Variants in BRF1 observed in about 807,000 individuals in gnomAD.
BRF1 encodes the protein transcription factor IIIB 90 kDa subunit.
Under a neutral mutation model 81.7 loss-of-function variants are expected in BRF1, and 59 were observed. That is an observed-to-expected ratio of 0.72 (90% CI 0.59 to 0.90). BRF1 has a LOEUF of 0.90. Among genes scored for constraint, BRF1 ranks in the 40% least tolerant of loss-of-function variants. BRF1 has a pLI of 0.00. For missense variants in BRF1, 1,050 were observed against 936.3 expected, an observed-to-expected ratio of 1.12 and a Z score of -1.58; for synonymous variants, 491 against 395.6, an observed-to-expected ratio of 1.24 and a Z score of -2.86.
chr14:105,256,076 G>C, intron 4 of BRF1: 1 of 971,902 alleles, frequency 1.0e-6, no homozygotes, highest in Non-Finnish European at 1.4e-6. Flanking sequence ...AGTAAGCTGA[G>C]ATCACGCCAC....
chr14:105,294,921 G>C (rs1405214705), intron 1 of BRF1, among the ~76,000 whole-genome samples: 2 of 152,158 alleles, frequency 1.3e-5, no homozygotes, highest in African/African-American at 4.8e-5. Flanking sequence ...CCTCAGTGAT[G>C]AAAGAAGCCG....
At chr14:105,229,098 A>C (rs898795923) in intron 6 of BRF1, among the ~76,000 whole-genome samples, 185 bp from the exon 7 acceptor site, 4 of 152,326 alleles carry the variant, frequency 2.6e-5, no homozygotes, top group African/African-American at 7.2e-5. Context: ...TCTCTATCTT[A>C]TTGTGGGTGG....
intron 1 of BRF1, among the ~76,000 whole-genome samples, chr14:105,296,631 A>G (rs1324291678): frequency 1.3e-5 from 2 of 150,996 alleles, no homozygotes; most frequent in African/African-American, 4.9e-5. Flanking sequence ...CAGTGAGCCA[A>G]GATGGTGCCA....
intron 5 of BRF1, chr14:105,248,844 G>C: frequency 1.0e-6 from 1 of 990,440 alleles, no homozygotes; most frequent in Non-Finnish European, 1.2e-6. Flanking sequence ...AGGCGCCGAG[G>C]CTGCCCCCGC....
intron 16 of BRF1, chr14:105,211,556 C>T: frequency 3.9e-6 from 2 of 514,250 alleles, no homozygotes; most frequent in South Asian, 2.8e-5. Flanking sequence ...CACCCCAGTG[C>T]TCGGGGAGCA....
intron 2 of BRF1, among the ~76,000 whole-genome samples, chr14:105,282,481 G>A (rs587755756): frequency 1.6e-3 from 245 of 152,358 alleles, no homozygotes; most frequent in South Asian, 2.9e-3. Context: ...TGGGTGGCGG[G>A]CGGGAGTGGA....
At position 105,288,399 on chromosome 14, in the gene BRF1, C is replaced by A. The variant is rs1230375122; in HGVS notation, c.185-2023G>T. 2.0e-5 allele frequency among the ~76,000 whole-genome samples: 3 copies of A among 151,916 alleles called. No homozygotes were observed. In the East Asian group the frequency reaches 5.9e-4, roughly 30 times the overall value. Reference sequence around the variant, plus strand: ...CCCAGGAGGTGGAGGTTGCAGTGAGCAGAGATGGTGCCACTGCACTCCAGC... The same window carrying A: ...CCCAGGAGGTGGAGGTTGCAGTGAGAAGAGATGGTGCCACTGCACTCCAGC... On this transcript the variant is annotated intron_variant, in intron 1 of 17. Transcript: ENST00000547530.
Position 105,288,969 on chromosome 14 carries a change from G to A in BRF1, c.185-2593C>T, listed in dbSNP as rs897034011. On this transcript the variant is annotated intron_variant, in intron 1 of 17. Coordinates refer to ENST00000547530, the MANE Select transcript of BRF1 (RefSeq NM_001519.4). ...GAGGATCACTAGAGCCCGGGAGGTCGAGGCTGCAATGAGCTGAGATCGTGC... is the reference window on the plus strand; with the variant it reads ...GAGGATCACTAGAGCCCGGGAGGTCAAGGCTGCAATGAGCTGAGATCGTGC... Among the ~76,000 whole-genome samples, 5 of 150,606 alleles carry A rather than the reference G, an allele frequency of 3.3e-5. No homozygotes were observed. The East Asian group carries it at 7.8e-4, about 24-fold the overall frequency.
chr14:105,210,496 C>A lies in BRF1; in HGVS notation c.*55G>T. 1 of 1,598,824 alleles carries A rather than the reference C, an allele frequency of 6.3e-7. No individual in the cohort carries two copies. The highest frequency in any genetic ancestry group is 8.5e-7 in the Non-Finnish European group (1 of 1,175,382). The stretch of plus-strand genomic sequence containing the variant: ...TGCGGTCCTGGAAGCCCGTCTGATG[C>A]TGAGGAGACCCGCGAGGCCCCCTGC... On this transcript the variant is annotated 3_prime_UTR_variant, in exon 18 of 18. Transcript: ENST00000547530. The surrounding 1 kb of genome is among the most constrained non-coding windows in gnomAD (Gnocchi z 4.7).
intron 2 of BRF1, among the ~76,000 whole-genome samples, chr14:105,274,390 T>C (rs937053554): frequency 1.3e-5 from 2 of 152,310 alleles, no homozygotes; most frequent in African/African-American, 4.8e-5. Context: ...CTCTATACTT[T>C]GTCTCTGTGT....
intron 5 of BRF1, chr14:105,249,343 G>T (rs2140285840): frequency 6.2e-7 from 1 of 1,606,194 alleles, no homozygotes; most frequent in South Asian, 1.1e-5. Context: ...GCTCACGGCG[G>T]CGCTTTCTCC....
At chr14:105,274,606 G>A (rs774306067) in intron 2 of BRF1, among the ~76,000 whole-genome samples, 2 of 152,304 alleles carry the variant, frequency 1.3e-5, no homozygotes, top group East Asian at 1.9e-4. Context: ...CCAAAGCTGC[G>A]GGCCACATGA....
intron 15 of BRF1, among the ~76,000 whole-genome samples, chr14:105,214,109 C>T (rs1240992230): frequency 1.3e-5 from 2 of 152,242 alleles, no homozygotes; most frequent in Non-Finnish European, 2.9e-5. Flanking sequence ...GCCGCGCCAG[C>T]ACCTGCTGAC....
chr14:105,305,719 T>C (rs2058168090), upstream of BRF1, among the ~76,000 whole-genome samples: 1 of 152,194 alleles, frequency 6.6e-6, no homozygotes, highest in African/African-American at 2.4e-5. Context: ...AGGTGCCCCA[T>C]GCTGCAAGCG....
At chr14:105,268,264 T>C (rs942606768) in intron 3 of BRF1, among the ~76,000 whole-genome samples, 5 of 152,240 alleles carry the variant, frequency 3.3e-5, no homozygotes, top group Non-Finnish European at 7.3e-5. Context: ...TGCTCGACAA[T>C]GGCAGAGGTG....
At chr14:105,295,887 T>G (rs1019831375) in intron 1 of BRF1, among the ~76,000 whole-genome samples, 11 of 151,380 alleles carry the variant, frequency 7.3e-5, no homozygotes, top group African/African-American at 2.4e-4. Context: ...AAGACCAGCC[T>G]CACCAACATG....
chr14:105,214,552 T>TA (rs1251516690), intron 15 of BRF1, among the ~76,000 whole-genome samples: 1 of 138,984 alleles, frequency 7.2e-6, no homozygotes, highest in Non-Finnish European at 1.6e-5. Flanking sequence ...CACCCCTGAG[T>TA]GGCCCAGCTC....
intron 1 of BRF1, among the ~76,000 whole-genome samples, chr14:105,296,620 G>A (rs1319755536): frequency 3.3e-5 from 5 of 150,232 alleles, no homozygotes; most frequent in Admixed American, 3.3e-4. Flanking sequence ...GGCGGAGATT[G>A]CAGTGAGCCA....
chr14:105,263,004 G>A (rs1468051455), intron 3 of BRF1, among the ~76,000 whole-genome samples: 2 of 152,020 alleles, frequency 1.3e-5, no homozygotes, highest in Non-Finnish European at 2.9e-5. Flanking sequence ...ACTTTGGGAG[G>A]CCGAGGCGGG....
Sources: allele counts gnomAD v4.1 joint callset (sites outside exome capture counted in the v4.1 genomes callset), GRCh38; gene constraint gnomAD v4.1.1; non-coding constraint Gnocchi (gnomAD v3.1); transcripts MANE v1.5; gene names NCBI Gene and HGNC (gene_info 2026-07-23, HGNC 2026-07-21).